TMCC1: variants seen among roughly 807,000 people sequenced by gnomAD.
TMCC1 encodes transmembrane and coiled-coil domain family 1.
A neutral mutation model predicts 52.4 loss-of-function variants in TMCC1; 15 were observed. The ratio of observed to expected loss-of-function variants is 0.29; its 90% confidence interval spans 0.19 to 0.44. The LOEUF (loss-of-function observed/expected upper bound fraction) is 0.44. Ranked by LOEUF, TMCC1 falls within the 20% of genes least tolerant of loss-of-function variation. The probability of loss-of-function intolerance (pLI) is 1.00; values close to 1 mark genes in which losing one functional copy is unlikely to be tolerated. For synonymous variants in TMCC1, 279 were observed against 301.9 expected (o/e 0.92, Z 0.79); for missense variants, 503 against 806.0 (o/e 0.62, Z 4.55).
intron 4 of TMCC1, among the ~76,000 whole-genome samples, chr3:129,756,998 T>A (rs2053073001): frequency 6.6e-6 from 1 of 152,194 alleles, no homozygotes; most frequent in Non-Finnish European, 1.5e-5. Context: ...CTGAAATGCC[T>A]CTCACCCTTG....
rs116430044 is a variant in TMCC1, at chr3:129,804,917, T to C, written c.576+22886A>G. 3.8e-3 allele frequency among the ~76,000 whole-genome samples: 582 copies of C among 152,310 alleles called. 6 individuals are homozygous for C. The highest frequency in any genetic ancestry group is 0.013 in the African/African-American group (553 of 41,556). On this transcript the variant is annotated intron_variant, in intron 4 of 6. Coordinates refer to ENST00000393238, the MANE Select transcript of TMCC1 (RefSeq NM_001017395.5). Reference sequence around the variant, plus strand: ...GAATGCTACGGAATGAATTCCTATATTGGACAGAAGAATCTTTTAACTAAG... The same window carrying C: ...GAATGCTACGGAATGAATTCCTATACTGGACAGAAGAATCTTTTAACTAAG...
rs1379871970 is a variant in TMCC1, at chr3:129,788,568, T to C, written c.576+39235A>G. Among the ~76,000 whole-genome samples, 3 of 152,154 alleles carry C rather than the reference T, an allele frequency of 2.0e-5. No homozygotes were observed. In the East Asian group the frequency reaches 5.8e-4, roughly 29 times the overall value. On this transcript the variant is annotated intron_variant, in intron 4 of 6. Transcript: ENST00000393238. ...AGCTCTGCCTCCCGGGTTGACGCCA[T>C]TCTCCTGCCTCAGCCTCCCCAGTAG...
In TMCC1 at chr3:129,766,999, T is replaced by C. The variant is rs573642713; in HGVS notation, c.576+60804A>G. On this transcript the variant is annotated intron_variant, in intron 4 of 6. Coordinates refer to ENST00000393238, the MANE Select transcript of TMCC1 (RefSeq NM_001017395.5). Reference sequence around the variant, plus strand: ...ATTCATGGCCGGGCACAGTGGCTTATACCTGTAATCCCAGCACTTTGGGAG... The same window carrying C: ...ATTCATGGCCGGGCACAGTGGCTTACACCTGTAATCCCAGCACTTTGGGAG... 3.4e-4 allele frequency among the ~76,000 whole-genome samples: 51 copies of C among 151,106 alleles called. 1 individual carries two copies. In the South Asian group the frequency reaches 8.8e-3, roughly 26 times the overall value.
At chr3:129,692,362 G>T (rs1218864065) in intron 4 of TMCC1, among the ~76,000 whole-genome samples, 1 of 152,178 alleles carries the variant, frequency 6.6e-6, no homozygotes, top group Non-Finnish European at 1.5e-5. Context: ...AAAAATCACA[G>T]ACTAATGTTA....
intron 6 of TMCC1, among the ~76,000 whole-genome samples, chr3:129,652,375 C>G (rs1255346025): frequency 2.6e-5 from 4 of 152,180 alleles, no homozygotes; most frequent in Non-Finnish European, 5.9e-5. Context: ...CCAAAGAAAC[C>G]TGAAAAAGTG....
At chr3:129,789,635 C>T (rs551332011) in intron 4 of TMCC1, among the ~76,000 whole-genome samples, 3 of 152,284 alleles carry the variant, frequency 2.0e-5, no homozygotes, top group Admixed American at 2.0e-4. Context: ...CGCCTGCAAC[C>T]ATGCCCGGCT....
chr3:129,801,834 G>T (rs1560450335), intron 4 of TMCC1, among the ~76,000 whole-genome samples: 1 of 152,158 alleles, frequency 6.6e-6, no homozygotes. Context: ...ATAGAAGTAA[G>T]ATCAGTCCAC....
intron 4 of TMCC1, among the ~76,000 whole-genome samples, chr3:129,774,497 C>T: frequency 6.6e-6 from 1 of 152,164 alleles, no homozygotes. Context: ...TCCCTGCCCT[C>T]ATGAAGCTTT....
intron 4 of TMCC1, among the ~76,000 whole-genome samples, chr3:129,691,807 A>G (rs1352397195): frequency 6.6e-6 from 1 of 152,170 alleles, no homozygotes; most frequent in Non-Finnish European, 1.5e-5. Flanking sequence ...CTTGTTTGTA[A>G]GTATAAAACA....
intron 4 of TMCC1, among the ~76,000 whole-genome samples, chr3:129,814,590 T>C (rs1426565353): frequency 6.6e-6 from 1 of 152,164 alleles, no homozygotes; most frequent in East Asian, 1.9e-4. Flanking sequence ...AATTCTCCAA[T>C]TAAAAGGCAT....
chr3:129,858,478 C>T (rs969290288), intron 2 of TMCC1, among the ~76,000 whole-genome samples: 3 of 152,142 alleles, frequency 2.0e-5, no homozygotes, highest in Non-Finnish European at 4.4e-5. Flanking sequence ...TCTAGTCATC[C>T]TCCCACCTCA....
At chr3:129,766,690 C>T (rs1279522506) in intron 4 of TMCC1, among the ~76,000 whole-genome samples, 8 of 151,916 alleles carry the variant, frequency 5.3e-5, no homozygotes, top group Admixed American at 2.0e-4. Context: ...GCACAATCTC[C>T]GCTCACTGCA....
intron 4 of TMCC1, chr3:129,688,673 G>A: frequency 1.0e-6 from 1 of 985,478 alleles, no homozygotes; most frequent in Non-Finnish European, 1.2e-6. Flanking sequence ...GAAAGCTTCT[G>A]CCAAACAAGC....
chr3:129,716,227 A>C (rs146361374), intron 4 of TMCC1, among the ~76,000 whole-genome samples: 91,155 of 145,388 alleles, frequency 0.63, 33,636 homozygotes, highest in Non-Finnish European at 0.83. Flanking sequence ...CAATGGCACA[A>C]TCTCGGCTAA....
chr3:129,839,572 C>G (rs1410221445), intron 2 of TMCC1, among the ~76,000 whole-genome samples: 1 of 152,004 alleles, frequency 6.6e-6, no homozygotes, highest in Non-Finnish European at 1.5e-5. Flanking sequence ...CTAGGCAACA[C>G]GGCAAGACCT....
chr3:129,884,043 C>T (rs1343748987), intron 1 of TMCC1, among the ~76,000 whole-genome samples: 1 of 152,038 alleles, frequency 6.6e-6, no homozygotes, highest in Non-Finnish European at 1.5e-5. Context: ...ACAGTAATTA[C>T]ATATCCTGTG....
chr3:129,761,079 A>G (rs1576728719), intron 4 of TMCC1, among the ~76,000 whole-genome samples: 2 of 151,518 alleles, frequency 1.3e-5, no homozygotes, highest in South Asian at 4.2e-4. Context: ...TAATCCCAGC[A>G]CTTTGGGAGG....
chr3:129,881,510 C>T (rs113648807), intron 1 of TMCC1, among the ~76,000 whole-genome samples: 1 of 147,724 alleles, frequency 6.8e-6, no homozygotes, highest in South Asian at 2.2e-4. Context: ...ATAAAAAAAA[C>T]ATATGTAGGT....
At chr3:129,652,603 T>C (rs2086409577) in intron 6 of TMCC1, among the ~76,000 whole-genome samples, 1 of 152,170 alleles carries the variant, frequency 6.6e-6, no homozygotes. Context: ...ATCTCATCAG[T>C]TTTTAAAAAA....
Sources: allele counts gnomAD v4.1 joint callset (sites outside exome capture counted in the v4.1 genomes callset), GRCh38; gene constraint gnomAD v4.1.1; transcripts MANE v1.5; gene names NCBI Gene and HGNC (gene_info 2026-07-23, HGNC 2026-07-21).